Variants in PAM observed in about 807,000 individuals in gnomAD.
PAM encodes the protein peptidylglycine alpha-amidating monooxygenase.
Under a neutral mutation model 122.1 loss-of-function variants are expected in PAM, and 72 were observed. The ratio of observed to expected loss-of-function variants is 0.59; its 90% CI spans 0.49 to 0.72. The LOEUF (loss-of-function observed/expected upper bound fraction) is 0.72. Among genes scored for constraint, PAM ranks in the 30% least tolerant of loss-of-function variants. The pLI, the probability that PAM is intolerant of heterozygous loss-of-function variation, is 0.00. For synonymous variants in PAM, 389 were observed against 404.4 expected (o/e 0.96, Z 0.46); for missense variants, 1,106 against 1,183.7 (o/e 0.93, Z 0.96).
Position 103,019,793 on chromosome 5 carries a change from T to C in PAM, c.2435T>C (p.Leu812Ser), listed in dbSNP as rs1268352047. The change falls in exon 23 of 26, where the codon TTG becomes TCG. Residue 812 changes from leucine (L) to serine (S), a missense_variant. Coordinates refer to ENST00000438793, the MANE Select transcript of PAM (RefSeq NM_001177306.2). ...TVWKFTLTEKLEHRSVKKAGI... is the reference protein window; with the variant it reads ...TVWKFTLTEKSEHRSVKKAGI... ...TCTCCTTGTTGTGTTGTTACAGAATTGGAACATCGATCAGTTAAAAAGGCT... is the reference window on the plus strand; with the variant it reads ...TCTCCTTGTTGTGTTGTTACAGAATCGGAACATCGATCAGTTAAAAAGGCT... 4 of 1,602,414 alleles carry C rather than the reference T, an allele frequency of 2.5e-6. No homozygotes were observed. The highest frequency in any genetic ancestry group is 3.4e-6 in the Non-Finnish European group (4 of 1,169,474).
chr5:103,010,369 A>G (rs986394772), intron 21 of PAM, among the ~76,000 whole-genome samples: 1 of 152,222 alleles, frequency 6.6e-6, no homozygotes, highest in Non-Finnish European at 1.5e-5. Flanking sequence ...TGGTTAAGAA[A>G]CTAAAAGCTA....
At chr5:102,898,294 T>C (rs1796733237) in intron 3 of PAM, among the ~76,000 whole-genome samples, 1 of 151,554 alleles carries the variant, frequency 6.6e-6, no homozygotes, top group East Asian at 1.9e-4. Context: ...TTTGAATCTT[T>C]AGTATTTTAC....
intron 3 of PAM, among the ~76,000 whole-genome samples, chr5:102,890,029 T>A (rs1794326414): frequency 6.6e-6 from 1 of 151,948 alleles, no homozygotes; most frequent in Non-Finnish European, 1.5e-5. Flanking sequence ...TAAAGATCCT[T>A]TTCTTTCCTT....
chr5:102,812,316 TG>T (rs1401693175), intron 1 of PAM, among the ~76,000 whole-genome samples: 2 of 152,118 alleles, frequency 1.3e-5, no homozygotes, highest in Non-Finnish European at 2.9e-5. Flanking sequence ...TGATAGCACA[TG>T]GGTCCATCCA....
intron 1 of PAM, among the ~76,000 whole-genome samples, chr5:102,779,878 C>T (rs1172694583): frequency 7.6e-5 from 7 of 92,054 alleles, no homozygotes; most frequent in Non-Finnish European, 6.3e-5. Context: ...TTAATAAACT[C>T]CCATATACAT....
chr5:102,990,459 T>TA, intron 16 of PAM, 58 bp downstream of exon 16: 1 of 1,326,598 alleles, frequency 7.5e-7, no homozygotes, highest in Non-Finnish European at 1.0e-6. Flanking sequence ...TACATAATTT[T>TA]TTCACTAAAC....
chr5:102,998,996 A>G (rs556692387), intron 16 of PAM, among the ~76,000 whole-genome samples: 15 of 152,316 alleles, frequency 9.8e-5, no homozygotes, highest in South Asian at 6.2e-4. Flanking sequence ...GAAACTTACA[A>G]TCAGGTAGAA....
Position 102,900,119 on chromosome 5 carries a change from G to GAACAAATAATAAATGCTT in PAM, c.211-1237_211-1236insAACAAATAATAAATGCTT, listed in dbSNP as rs1209756960. 2.4e-4 allele frequency among the ~76,000 whole-genome samples: 36 copies of GAACAAATAATAAATGCTT among 151,458 alleles called. No individual in the cohort carries two copies. In the Middle Eastern group the frequency reaches 0.01, roughly 43 times the overall value. ...AAGAGAGGGTTTATGCTTGTTACCA[G>GAACAAATAATAAATGCTT]GTTTTGGCTAGAACAAATAATAAAA... On this transcript the variant is annotated intron_variant, in intron 3 of 25. Coordinates refer to ENST00000438793, the MANE Select transcript of PAM (RefSeq NM_001177306.2).
At chr5:102,863,173 G>GCCAGCTATCTTTTTTTTTT (rs1459953444) in intron 1 of PAM, among the ~76,000 whole-genome samples, 1 of 145,018 alleles carries the variant, frequency 6.9e-6, no homozygotes, top group African/African-American at 2.9e-5. Flanking sequence ...TTATGGATAT[G>GCCAGCTATCTTTTTTTTTT]TAAACAGAAC....
chr5:102,831,811 G>C (rs773967981), intron 1 of PAM, among the ~76,000 whole-genome samples: 2 of 151,938 alleles, frequency 1.3e-5, no homozygotes, highest in Non-Finnish European at 2.9e-5. Flanking sequence ...AGTATGTTAA[G>C]ATGCTAAGAA....
At chr5:102,906,804 G>C (rs1799692805) in intron 4 of PAM, among the ~76,000 whole-genome samples, 1 of 151,678 alleles carries the variant, frequency 6.6e-6, no homozygotes, top group Non-Finnish European at 1.5e-5. Context: ...TGAGCTAGAG[G>C]ACTGGCACAA....
At position 103,029,174 on chromosome 5, in the gene PAM, T is replaced by A; in HGVS notation, c.*109T>A. On this transcript the variant is annotated 3_prime_UTR_variant, in exon 26 of 26. Coordinates refer to ENST00000438793, the MANE Select transcript of PAM (RefSeq NM_001177306.2). ...TTTAATTGTAAACTGTACTAGTCTG[T>A]GTGGGACTGTACACACTTTATTTAC... 1.2e-6 allele frequency: 1 copy of A among 830,452 alleles called. No homozygotes were observed. The highest frequency in any genetic ancestry group is 1.8e-6 in the Non-Finnish European group (1 of 548,230). 51.4% of individuals were successfully genotyped at this position (830,452 alleles called of 1,614,324 possible).
intron 15 of PAM, among the ~76,000 whole-genome samples, chr5:102,978,832 TAA>T (rs59992881): frequency 1.4e-5 from 2 of 141,130 alleles, no homozygotes; most frequent in Admixed American, 7.2e-5. Context: ...GGAGAATGGT[TAA>T]AAAAAAAAAA....
chr5:102,784,869 G>T (rs572474084), intron 1 of PAM, among the ~76,000 whole-genome samples: 18 of 152,268 alleles, frequency 1.2e-4, no homozygotes, highest in Middle Eastern at 3.4e-3. Context: ...ATAAACACCA[G>T]GTGAGTGGTC....
intron 7 of PAM, among the ~76,000 whole-genome samples, chr5:102,932,816 T>C (rs536733209): frequency 1.3e-5 from 2 of 152,230 alleles, no homozygotes; most frequent in African/African-American, 2.4e-5. Flanking sequence ...AACTTTGAGA[T>C]AGCCTAGTGA....
intron 3 of PAM, among the ~76,000 whole-genome samples, chr5:102,875,101 A>G (rs1788718912): frequency 6.6e-6 from 1 of 152,146 alleles, no homozygotes; most frequent in African/African-American, 2.4e-5. Context: ...ACACACACAC[A>G]TATATTTTTA....
chr5:103,023,033 TTAAG>T (rs1445892210), intron 23 of PAM, among the ~76,000 whole-genome samples: 1 of 152,148 alleles, frequency 6.6e-6, no homozygotes, highest in Admixed American at 6.6e-5. Context: ...GTTGGACTGT[TTAAG>T]TATTTTTAGT....
intron 1 of PAM, among the ~76,000 whole-genome samples, chr5:102,789,920 C>A (rs1382922725): frequency 6.6e-6 from 1 of 151,878 alleles, no homozygotes; most frequent in Non-Finnish European, 1.5e-5. Flanking sequence ...GCTAATTATT[C>A]ATATTCATAA....
intron 1 of PAM, among the ~76,000 whole-genome samples, chr5:102,759,037 C>T (rs1382545979): frequency 6.6e-6 from 1 of 152,124 alleles, no homozygotes; most frequent in East Asian, 1.9e-4. Context: ...GTATACAAGA[C>T]AGTTATAGTC....
Sources: gnomAD v4.1 joint callset for allele counts (sites outside exome capture counted in the v4.1 genomes callset) on GRCh38, gnomAD v4.1.1 for gene constraint, MANE v1.5 for transcripts, NCBI Gene and HGNC (gene_info 2026-07-23, HGNC 2026-07-21) for gene names.